SERPINF1: variants seen among roughly 807,000 people sequenced by gnomAD.
The protein encoded by SERPINF1 is pigment epithelium-derived factor.
In SERPINF1, 29 loss-of-function variants were observed where a neutral mutation model predicts 37.3. The observed-to-expected ratio is 0.78, with a 90% CI of 0.58 to 1.06. The LOEUF (loss-of-function observed/expected upper bound fraction) is 1.06, where lower values mean the gene tolerates loss of function less well. Among genes scored for constraint, SERPINF1 ranks in the 50% least tolerant of loss-of-function variants. The pLI, the probability that SERPINF1 is intolerant of heterozygous loss-of-function variation, is 0.00. For synonymous variants in SERPINF1, 281 were observed against 227.9 expected (o/e 1.23, Z -2.10); for missense variants, 553 against 532.2 (o/e 1.04, Z -0.38).
intron 4 of SERPINF1, 106 bp from the exon 5 acceptor site, chr17:1,771,766 C>G: frequency 9.3e-7 from 1 of 1,080,110 alleles, no homozygotes; most frequent in Non-Finnish European, 1.4e-6. Flanking sequence ...GCTGGGAAGT[C>G]AGGGCCTGCT....
intron 4 of SERPINF1, 104 bp downstream of exon 4, chr17:1,771,288 G>A (rs1907722618): frequency 8.0e-7 from 1 of 1,247,592 alleles, no homozygotes; most frequent in Non-Finnish European, 1.1e-6. Context: ...TCGCTCTGTT[G>A]CCCAGGCTGG....
intron 5 of SERPINF1, 39 bp downstream of exon 5, chr17:1,772,114 T>C: frequency 6.3e-7 from 1 of 1,580,746 alleles, no homozygotes; most frequent in South Asian, 1.1e-5. Flanking sequence ...TATTTTACTG[T>C]ATTTTAACTA....
intron 5 of SERPINF1, among the ~76,000 whole-genome samples, chr17:1,774,120 A>G (rs1454220073): frequency 6.6e-6 from 1 of 152,242 alleles, no homozygotes; most frequent in Non-Finnish European, 1.5e-5. Flanking sequence ...AGAGGACCTC[A>G]GAGGTCCTTC....
chr17:1,768,212 A>G (rs1386725028), intron 2 of SERPINF1, among the ~76,000 whole-genome samples: 1 of 152,046 alleles, frequency 6.6e-6, no homozygotes, highest in African/African-American at 2.4e-5. Flanking sequence ...TGGGTGGATC[A>G]CGAGGTCAGG....
rs752843907 is a variant in SERPINF1, at chr17:1,763,028, G to A, written c.-9+915G>A. On this transcript the variant is annotated intron_variant, in intron 1 of 7. Transcript: ENST00000254722. The stretch of plus-strand genomic sequence containing the variant: ...TTCTTGGGGCTGCTGCTTCTGGGGT[G>A]TGGGGAAGTGCAACTCCACGGCACC... 7.2e-5 allele frequency: 11 copies of A among 152,508 alleles called. 1 individual carries two copies. The highest frequency in any genetic ancestry group is 4.6e-4 in the Admixed American group (7 of 15,300). 9.4% of individuals were successfully genotyped at this position (152,508 alleles called of 1,614,324 possible).
intron 1 of SERPINF1, 138 bp from the exon 2 acceptor site, chr17:1,766,765 G>T (rs1400102978): frequency 1.3e-6 from 1 of 750,316 alleles, no homozygotes; most frequent in East Asian, 2.7e-5. Context: ...GAGGGGTGAG[G>T]GGTGGTCGCT....
chr17:1,768,159 C>A (rs974045321), intron 2 of SERPINF1, among the ~76,000 whole-genome samples: 1 of 152,002 alleles, frequency 6.6e-6, no homozygotes, highest in African/African-American at 2.4e-5. Flanking sequence ...GGGCCGGGCG[C>A]GGTGGCTCAC....
chr17:1,770,116 C>T (rs1023559442), intron 3 of SERPINF1, 66 bp downstream of exon 3: 84 of 1,552,894 alleles, frequency 5.4e-5, no homozygotes, highest in Non-Finnish European at 7.2e-5. Flanking sequence ...TCTGCGTAAA[C>T]GTGGCTGAGT....
chr17:1,772,628 G>C, intron 5 of SERPINF1, among the ~76,000 whole-genome samples: 1 of 149,888 alleles, frequency 6.7e-6, no homozygotes, highest in Middle Eastern at 3.6e-3. Flanking sequence ...GCGCGATCTC[G>C]GCTCACTGCA....
Position 1,771,903 on chromosome 17 carries a change from T to A in SERPINF1, c.471T>A (p.Pro157=). The A allele has an allele frequency of 6.2e-7, 1 of 1,613,692 alleles. No individual in the cohort carries two copies. Among genetic ancestry groups the A allele is most frequent in the Non-Finnish European group, 8.5e-7 (1 of 1,179,984 alleles). Residue 157 remains proline, a synonymous_variant, in exon 5 of 8, where the codon CCT becomes CCA. Coordinates refer to ENST00000254722, the MANE Select transcript of SERPINF1 (RefSeq NM_002615.7). ...GCATAAAATCCAGCTTTGTGGCACC[T>A]CTGGAAAAGTCATATGGGACCAGGC... is the stretch of plus-strand genomic sequence containing the variant. ...KLRIKSSFVA[P]LEKSYGTRPR...
chr17:1,777,099 G>T, intron 7 of SERPINF1, 88 bp from the exon 8 acceptor site: 1 of 1,601,476 alleles, frequency 6.2e-7, no homozygotes, highest in South Asian at 1.1e-5. Flanking sequence ...ACAGTGCTGC[G>T]CCATCCCAGC....
chr17:1,767,718 C>G (rs575750328), intron 2 of SERPINF1, among the ~76,000 whole-genome samples: 1 of 152,190 alleles, frequency 6.6e-6, no homozygotes, highest in Non-Finnish European at 1.5e-5. Context: ...CCTGGACTTT[C>G]GTGAGGTCAG....
intron 5 of SERPINF1, among the ~76,000 whole-genome samples, chr17:1,773,536 C>A (rs1249347780): frequency 6.6e-6 from 1 of 152,248 alleles, no homozygotes; most frequent in Non-Finnish European, 1.5e-5. Flanking sequence ...GCGTGAGCCA[C>A]TGCGCTGGCC....
intron 1 of SERPINF1, 110 bp from the exon 2 acceptor site, chr17:1,766,793 G>T: frequency 9.5e-7 from 1 of 1,055,446 alleles, no homozygotes; most frequent in Admixed American, 2.0e-5. Context: ...GTGGGGGAAA[G>T]TGACTAGCCC....
In SERPINF1 at chr17:1,775,060, C is replaced by A; in HGVS notation, c.646C>A (p.Gln216Lys). Reference protein sequence around the residue: ...LLLGVAHFKGQWVTKFDSRKT... With the variant: ...LLLGVAHFKGKWVTKFDSRKT... ...CTATGTCATACACTTCTTTCCAGGGCAGTGGGTAACAAAGTTTGACTCCAG... is the reference window on the plus strand; with the variant it reads ...CTATGTCATACACTTCTTTCCAGGGAAGTGGGTAACAAAGTTTGACTCCAG... Residue 216 changes from glutamine to lysine, a missense_variant and splice_region_variant, in exon 6 of 8, where the codon CAG (glutamine) becomes AAG (lysine). Transcript: ENST00000254722. 6.2e-7 allele frequency: 1 copy of A among 1,614,098 alleles called. No homozygotes were observed. Among genetic ancestry groups the A allele is most frequent in the Non-Finnish European group, 8.5e-7 (1 of 1,180,018 alleles).
chr17:1,777,478 G>A lies in SERPINF1; in HGVS notation c.*32G>A. The A allele has an allele frequency of 1.2e-6, 2 of 1,613,622 alleles. No individual in the cohort carries two copies. Among genetic ancestry groups the A allele is most frequent in the Non-Finnish European group, 1.7e-6 (2 of 1,180,002 alleles). ...AGTTTAATATTCCAATACCCTAGAA[G>A]AAAACCCGAGGGACAGCAGATTCCA... On this transcript the variant is annotated 3_prime_UTR_variant, in exon 8 of 8. Coordinates refer to ENST00000254722, the MANE Select transcript of SERPINF1 (RefSeq NM_002615.7).
chr17:1,776,940 A>G (rs535507240), intron 7 of SERPINF1, among the ~76,000 whole-genome samples, 198 bp downstream of exon 7: 1 of 151,546 alleles, frequency 6.6e-6, no homozygotes, highest in South Asian at 2.1e-4. Flanking sequence ...CCTCACGAGC[A>G]GACCTCCCTG....
chr17:1,769,632 A>T, intron 2 of SERPINF1: 1 of 599,056 alleles, frequency 1.7e-6, no homozygotes. Context: ...TCAAATAAAA[A>T]AAAAACAGCT....
chr17:1,769,226 G>A (rs1167878291), intron 2 of SERPINF1, among the ~76,000 whole-genome samples: 2 of 151,394 alleles, frequency 1.3e-5, no homozygotes, highest in African/African-American at 2.4e-5. Flanking sequence ...TGCCTAACAC[G>A]GTGAAACCCC....
Sources: allele counts gnomAD v4.1 joint callset (sites outside exome capture counted in the v4.1 genomes callset), GRCh38; gene constraint gnomAD v4.1.1; transcripts MANE v1.5; gene names NCBI Gene and HGNC (gene_info 2026-07-23, HGNC 2026-07-21).